Variants in COL11A1 observed in about 807,000 individuals in gnomAD.
COL11A1 encodes collagen type XI alpha 1 chain, also known as collagen alpha-1(XI) chain.
In COL11A1, 74 loss-of-function variants were observed where a neutral mutation model predicts 265.2. That is an observed-to-expected ratio of 0.28 (90% CI 0.23 to 0.34). The LOEUF (loss-of-function observed/expected upper bound fraction) is 0.34. Among genes scored for constraint, COL11A1 ranks in the 10% least tolerant of loss-of-function variants. COL11A1 has a pLI of 1.00. For missense variants in COL11A1, 2,165 were observed against 2,263.6 expected (o/e 0.96, Z 0.88); for synonymous variants, 816 against 727.6 (o/e 1.12, Z -1.96).
chr1:103,077,566 T>A (rs1444840752), intron 3 of COL11A1, among the ~76,000 whole-genome samples: 1 of 151,774 alleles, frequency 6.6e-6, no homozygotes, highest in Non-Finnish European at 1.5e-5. Flanking sequence ...GACTTGAGAG[T>A]TTCTCTGTGG....
chr1:103,108,041 T>A (rs761860915), intron 1 of COL11A1, 32 bp downstream of exon 1: 1 of 1,544,120 alleles, frequency 6.5e-7, no homozygotes, highest in South Asian at 1.1e-5. Flanking sequence ...CCGACGGCAA[T>A]CTCCCACCTC....
chr1:102,909,633 A>G (rs149418065), intron 54 of COL11A1, among the ~76,000 whole-genome samples: 173 of 152,230 alleles, frequency 1.1e-3, no homozygotes, highest in African/African-American at 3.9e-3. Context: ...TTTTAAAATT[A>G]TATCTCATTT....
chr1:103,058,203 A>T (rs1558008229), intron 4 of COL11A1, among the ~76,000 whole-genome samples: 1 of 152,184 alleles, frequency 6.6e-6, no homozygotes, highest in East Asian at 1.9e-4. Context: ...TTTCTTAAAC[A>T]TCATGAACTG....
intron 24 of COL11A1, among the ~76,000 whole-genome samples, chr1:102,999,586 AAATAT>A (rs1244894690): frequency 3.3e-5 from 5 of 151,812 alleles, no homozygotes; most frequent in Non-Finnish European, 5.9e-5. Context: ...AATGTCAGAA[AAATAT>A]AATATATTAT....
At chr1:102,994,700 T>C (rs569244813) in intron 28 of COL11A1, among the ~76,000 whole-genome samples, 3 of 152,270 alleles carry the variant, frequency 2.0e-5, no homozygotes, top group Admixed American at 2.0e-4. Flanking sequence ...ATTTATGCTA[T>C]GCAACTATGT....
At chr1:102,906,203 G>A (rs984807516) in intron 54 of COL11A1, among the ~76,000 whole-genome samples, 5 of 151,854 alleles carry the variant, frequency 3.3e-5, no homozygotes, top group East Asian at 3.9e-4. Flanking sequence ...TATTATGCCT[G>A]CTTTTTAAAT....
intron 46 of COL11A1, among the ~76,000 whole-genome samples, chr1:102,929,188 A>C (rs1475215318): frequency 7.6e-6 from 1 of 131,234 alleles, no homozygotes; most frequent in Middle Eastern, 3.8e-3. Flanking sequence ...CTGAATGGTA[A>C]TGCCTAGGTT....
intron 28 of COL11A1, among the ~76,000 whole-genome samples, chr1:102,992,281 GA>G (rs898824899): frequency 5.9e-5 from 9 of 151,674 alleles, no homozygotes; most frequent in African/African-American, 1.5e-4. Context: ...ATCAGATAAA[GA>G]AAAAAAGAAG....
chr1:103,052,514 T>TC (rs1669912079), intron 4 of COL11A1, among the ~76,000 whole-genome samples: 1 of 152,130 alleles, frequency 6.6e-6, no homozygotes, highest in African/African-American at 2.4e-5. Context: ...TAGTTATTAT[T>TC]CCCCCCTTGA....
intron 4 of COL11A1, among the ~76,000 whole-genome samples, chr1:103,049,972 G>C (rs1481739155): frequency 2.0e-5 from 3 of 152,226 alleles, no homozygotes; most frequent in Non-Finnish European, 4.4e-5. Flanking sequence ...GAGATCAGCT[G>C]TTAATCTGAT....
Position 103,006,086 on chromosome 1 carries a change from T to G in COL11A1, c.1773A>C (p.Pro591=). 6.2e-7 allele frequency: 1 copy of G among 1,614,082 alleles called. No individual in the cohort carries two copies. The highest frequency in any genetic ancestry group is 1.7e-5 in the Admixed American group (1 of 60,010). Residue 591 remains proline (P), a synonymous_variant, in exon 17 of 67, where the codon CCA becomes CCC. Coordinates refer to ENST00000370096, the MANE Select transcript of COL11A1 (RefSeq NM_001854.4). ...TCCTGACCTTTGCCCCAGGTTCTCC[T>G]GGCATTCCTCTTCCTCCATCTGCAC... ...RPGADGGRGM[P]GEPGAKGDRG...
intron 5 of COL11A1, 61 bp downstream of exon 5, chr1:103,031,055 C>T: frequency 6.3e-7 from 1 of 1,575,322 alleles, no homozygotes; most frequent in Non-Finnish European, 8.7e-7. Flanking sequence ...AGTTCAAAAA[C>T]TGCACTGCGA....
At chr1:102,911,444 T>C (rs1215772807) in intron 54 of COL11A1, among the ~76,000 whole-genome samples, 1 of 152,154 alleles carries the variant, frequency 6.6e-6, no homozygotes, top group Non-Finnish European at 1.5e-5. Context: ...CTCATAAATA[T>C]ATTTTGATGT....
chr1:102,962,502 C>T, intron 39 of COL11A1, 151 bp downstream of exon 39: 1 of 788,160 alleles, frequency 1.3e-6, no homozygotes, highest in Non-Finnish European at 2.2e-6. Context: ...AAATGTTGAG[C>T]AATATCTTGG....
At chr1:102,941,447 G>A (rs1014124966) in intron 42 of COL11A1, among the ~76,000 whole-genome samples, 2 of 152,090 alleles carry the variant, frequency 1.3e-5, no homozygotes, top group East Asian at 1.9e-4. Context: ...CTCAGATAAA[G>A]ACTTCATGGC....
At chr1:103,087,783 A>G (rs1280041255) in intron 1 of COL11A1, among the ~76,000 whole-genome samples, 1 of 152,204 alleles carries the variant, frequency 6.6e-6, no homozygotes, top group Non-Finnish European at 1.5e-5. Context: ...CCTCTATTAT[A>G]GCACCTTTCA....
intron 37 of COL11A1, among the ~76,000 whole-genome samples, chr1:102,967,345 A>T (rs570683696): frequency 3.2e-3 from 436 of 136,204 alleles, no homozygotes; most frequent in Middle Eastern, 9.3e-3. Flanking sequence ...GGTTCACGCC[A>T]TTCTCCTGCT....
In COL11A1 at chr1:102,935,056, T is replaced by C. The variant is rs775359179; in HGVS notation, c.3492+4A>G. The stretch of plus-strand genomic sequence containing the variant: ...AGATTTGCTGAACAATGTGGAATAC[T>C]CACAGCAATTCCAGGGGCACCAACT... On this transcript the variant is annotated splice_donor_region_variant and intron_variant, in intron 45 of 66. Transcript: ENST00000370096. The C allele has an allele frequency of 6.2e-7, 1 of 1,613,778 alleles. No individual in the cohort carries two copies. The highest frequency in any genetic ancestry group is 8.5e-7 in the Non-Finnish European group (1 of 1,179,712).
rs1651345995 is a variant in COL11A1 at position 102,888,765 on chromosome 1, A to C, written c.4519-7T>G. The C allele has an allele frequency of 6.2e-7, 1 of 1,613,810 alleles. No homozygotes were observed. The highest frequency in any genetic ancestry group is 1.3e-5 in the African/African-American group (1 of 74,920). ...CCTTTGGGCCTTGAGGACCCTACAA[A>C]ATGCAAATGCAAAAGCACAGATAAA... is the stretch of plus-strand genomic sequence containing the variant. On this transcript the variant is annotated splice_polypyrimidine_tract_variant and splice_region_variant and intron_variant, in intron 60 of 66. Coordinates refer to ENST00000370096, the MANE Select transcript of COL11A1 (RefSeq NM_001854.4).
Sources: allele counts gnomAD v4.1 joint callset (sites outside exome capture counted in the v4.1 genomes callset), GRCh38; gene constraint gnomAD v4.1.1; transcripts MANE v1.5; gene names NCBI Gene and HGNC (gene_info 2026-07-23, HGNC 2026-07-21).